PPP2R5A: variants seen among roughly 807,000 people sequenced by gnomAD.
The protein encoded by PPP2R5A is serine/threonine-protein phosphatase 2A 56 kDa regulatory subunit alpha isoform.
In PPP2R5A, 25 loss-of-function variants were observed where a neutral mutation model predicts 64.2. That is an observed-to-expected ratio of 0.39 (90% CI 0.28 to 0.54). The LOEUF (loss-of-function observed/expected upper bound fraction) is 0.54, where lower values mean the gene tolerates loss of function less well. PPP2R5A is among the 20% of genes least tolerant of loss of function. The probability of loss-of-function intolerance (pLI) is 0.67; values close to 1 mark genes in which losing one functional copy is unlikely to be tolerated. For missense variants in PPP2R5A, 425 were observed against 576.3 expected, an observed-to-expected ratio of 0.74 and a Z score of 2.69; for synonymous variants, 198 against 201.2, an observed-to-expected ratio of 0.98 and a Z score of 0.13.
chr1:212,297,825 C>CTTTTTTTTTTTA (rs1368421837), intron 1 of PPP2R5A: 1 of 22,120 alleles, frequency 4.5e-5, no homozygotes, highest in Non-Finnish European at 7.6e-5. Flanking sequence ...TTTTTTTTTT[C>CTTTTTTTTTTTA]TTTTTTATTT....
intron 8 of PPP2R5A, among the ~76,000 whole-genome samples, chr1:212,353,778 T>C (rs1659928139): frequency 1.3e-5 from 2 of 152,204 alleles, no homozygotes. Context: ...TGGCATTTGA[T>C]TGAAATTATA....
At chr1:212,297,130 TTTTTTTTTG>T (rs1658711845) in intron 1 of PPP2R5A, among the ~76,000 whole-genome samples, 1 of 11,480 alleles carries the variant, frequency 8.7e-5, no homozygotes, top group African/African-American at 6.4e-4. Flanking sequence ...TTTTTTTTTT[TTTTTTTTTG>T]GAGACGGAGT....
rs898563852 is a variant in PPP2R5A at position 212,310,316 on chromosome 1, A to G, written c.182-18819A>G. Among the ~76,000 whole-genome samples the G allele has an allele frequency of 1.2e-4, 19 of 152,212 alleles. 1 individual carries two copies. The highest frequency in any genetic ancestry group is 3.4e-3 in the Middle Eastern group (1 of 294). ...GGTTTTTTTTTTTGTCTCTCCTGAA[A>G]AATAACTAGCCTACAGTTTAGTCTG... On this transcript the variant is annotated intron_variant, in intron 1 of 12. Coordinates refer to ENST00000261461, the MANE Select transcript of PPP2R5A (RefSeq NM_006243.4).
chr1:212,339,073 A>C (rs1659640496), intron 3 of PPP2R5A, among the ~76,000 whole-genome samples: 1 of 152,208 alleles, frequency 6.6e-6, no homozygotes, highest in Non-Finnish European at 1.5e-5. Flanking sequence ...GGACAGGATA[A>C]ATTTTATAGA....
chr1:212,323,075 T>C (rs928462083), intron 1 of PPP2R5A, among the ~76,000 whole-genome samples: 2 of 152,220 alleles, frequency 1.3e-5, no homozygotes, highest in Non-Finnish European at 1.5e-5. Flanking sequence ...CGTGAGCCAC[T>C]GTGCCCAGCC....
chr1:212,332,900 TATTTTTATTTTTA>T (rs1303281901), intron 2 of PPP2R5A, among the ~76,000 whole-genome samples: 5 of 149,366 alleles, frequency 3.3e-5, no homozygotes, highest in Admixed American at 7.4e-5. Context: ...TTTATTTTTT[TATTTTTATTTTTA>T]TTTTTGGAGA....
At chr1:212,338,421 G>C (rs1477798775) in intron 3 of PPP2R5A, among the ~76,000 whole-genome samples, 2 of 152,150 alleles carry the variant, frequency 1.3e-5, no homozygotes, top group African/African-American at 2.4e-5. Context: ...TTGCAACACT[G>C]TTTCTTAGAT....
At chr1:212,333,624 A>G in intron 3 of PPP2R5A, 26 bp downstream of exon 3, 3 of 1,315,634 alleles carry the variant, frequency 2.3e-6, no homozygotes, top group Non-Finnish European at 2.1e-6. Flanking sequence ...ACGTATTGGC[A>G]GTTTTTATAT....
chr1:212,294,763 G>A (rs1179050979), intron 1 of PPP2R5A, among the ~76,000 whole-genome samples: 1 of 152,166 alleles, frequency 6.6e-6, no homozygotes, highest in East Asian at 1.9e-4. Context: ...GTCATGATAA[G>A]AATAAGCTCT....
At position 212,356,767 on chromosome 1, in the gene PPP2R5A, T is replaced by C; in HGVS notation, c.978+91T>C. 8 of 1,436,464 alleles carry C rather than the reference T, an allele frequency of 5.6e-6. No individual in the cohort carries two copies. The South Asian group carries it at 1.0e-4, about 18-fold the overall frequency. The allele number at this position is 1,436,464 out of a possible 1,614,324, so 89.0% of individuals were successfully genotyped here. A position where few individuals can be genotyped will look rare whatever the true frequency, so the allele number is the denominator to read the frequency against. On this transcript the variant is annotated intron_variant, in intron 9 of 12. Transcript: ENST00000261461. Reference sequence around the variant, plus strand: ...TGCTTCTTTGGGCTGGCTGTATTGCTGTTGCTAAAGAGCGGGAGATGTACA... The same window carrying C: ...TGCTTCTTTGGGCTGGCTGTATTGCCGTTGCTAAAGAGCGGGAGATGTACA...
chr1:212,300,368 G>A (rs1048042034), intron 1 of PPP2R5A, among the ~76,000 whole-genome samples: 2 of 152,114 alleles, frequency 1.3e-5, no homozygotes, highest in Admixed American at 6.5e-5. Flanking sequence ...GCGAATCTCA[G>A]TTTTCATGGT....
In PPP2R5A at chr1:212,351,951, AATT is replaced by A. The variant is rs1018369017; in HGVS notation, c.927+2710_927+2712del. Among the ~76,000 whole-genome samples the A allele has an allele frequency of 1.7e-4, 26 of 150,366 alleles. 1 individual carries two copies. Among genetic ancestry groups the A allele is most frequent in the Admixed American group, 2.0e-4 (3 of 15,126 alleles). ...GAAAATCTAACTTGAGCCCCAAAAT[AATT>A]TTTTTATTTTTCTTTTTTATTTTAT... On this transcript the variant is annotated intron_variant, in intron 8 of 12. Coordinates refer to ENST00000261461, the MANE Select transcript of PPP2R5A (RefSeq NM_006243.4).
At chr1:212,324,243 A>AT (rs1659367739) in intron 1 of PPP2R5A, among the ~76,000 whole-genome samples, 1 of 152,196 alleles carries the variant, frequency 6.6e-6, no homozygotes, top group Non-Finnish European at 1.5e-5. Flanking sequence ...GGCTGTGTAC[A>AT]AACCTGTACA....
intron 1 of PPP2R5A, among the ~76,000 whole-genome samples, chr1:212,297,061 G>A (rs1029673629): frequency 6.9e-6 from 1 of 144,858 alleles, no homozygotes; most frequent in Non-Finnish European, 1.5e-5. Context: ...ACCTTATCAA[G>A]AGAAATACGT....
In PPP2R5A at chr1:212,322,849, G is replaced by C. The variant is rs1558147346; in HGVS notation, c.182-6286G>C. Among the ~76,000 whole-genome samples the C allele has an allele frequency of 1.3e-5, 2 of 151,870 alleles. 1 individual carries two copies. The highest frequency in any genetic ancestry group is 4.1e-4 in the South Asian group (2 of 4,824). ...CGCCCAGGCTGGAGTGCAGTAGTGG[G>C]ATCTGGGCTCACTGCAAGCTCCGCC... On this transcript the variant is annotated intron_variant, in intron 1 of 12. Transcript: ENST00000261461.
At chr1:212,336,107 C>CT (rs937682539) in intron 3 of PPP2R5A, among the ~76,000 whole-genome samples, 5 of 151,894 alleles carry the variant, frequency 3.3e-5, no homozygotes, top group Non-Finnish European at 5.9e-5. Flanking sequence ...ATGATTTTTT[C>CT]TTTTTTTATT....
At chr1:212,294,057 CAAG>C (rs1658649948) in intron 1 of PPP2R5A, among the ~76,000 whole-genome samples, 1 of 152,046 alleles carries the variant, frequency 6.6e-6, no homozygotes, top group South Asian at 2.1e-4. Flanking sequence ...ATACCTGAAA[CAAG>C]AATTTTTAAA....
chr1:212,358,200 C>G (rs916856390), intron 11 of PPP2R5A: 1 of 152,370 alleles, frequency 6.6e-6, no homozygotes, highest in East Asian at 1.9e-4. Context: ...CAAACTACTC[C>G]GTTAATGCAG....
intron 1 of PPP2R5A, among the ~76,000 whole-genome samples, chr1:212,311,256 C>T (rs1369884654): frequency 6.6e-6 from 1 of 152,106 alleles, no homozygotes; most frequent in Admixed American, 6.5e-5. Flanking sequence ...ATCACGAGGT[C>T]GGGAGATCGA....
Sources: gnomAD v4.1 joint callset for allele counts (sites outside exome capture counted in the v4.1 genomes callset) on GRCh38, gnomAD v4.1.1 for gene constraint, MANE v1.5 for transcripts, NCBI Gene and HGNC (gene_info 2026-07-23, HGNC 2026-07-21) for gene names.